MTHFD1L: variants seen among roughly 807,000 people sequenced by gnomAD.
MTHFD1L encodes the protein monofunctional C1-tetrahydrofolate synthase, mitochondrial.
MTHFD1L carries 81 observed loss-of-function variants against 119.5 expected under a neutral mutation model. The ratio of observed to expected loss-of-function variants is 0.68; its 90% CI spans 0.57 to 0.82. The LOEUF (loss-of-function observed/expected upper bound fraction) is 0.82. Ranked by LOEUF, MTHFD1L falls within the 40% of genes least tolerant of loss-of-function variation. MTHFD1L has a pLI of 0.00. For synonymous variants in MTHFD1L, 430 were observed against 475.2 expected, an observed-to-expected ratio of 0.90 and a Z score of 1.24; for missense variants, 1,125 against 1,253.4, an observed-to-expected ratio of 0.90 and a Z score of 1.55.
chr6:151,012,496 A>G (rs1240744519), intron 21 of MTHFD1L, among the ~76,000 whole-genome samples: 6 of 152,008 alleles, frequency 3.9e-5, no homozygotes, highest in Admixed American at 6.6e-5. Context: ...CATAATTTGT[A>G]CAGTGGAAAA....
At position 151,015,118 on chromosome 6, in the gene MTHFD1L, A is replaced by G. The variant is rs1033282991; in HGVS notation, c.2408+138A>G. 8 of 632,984 alleles carry G rather than the reference A, an allele frequency of 1.3e-5. No homozygotes were observed. The African/African-American group carries it at 1.6e-4, about 13-fold the overall frequency. 39.2% of individuals were successfully genotyped at this position (632,984 alleles called of 1,614,324 possible). On this transcript the variant is annotated intron_variant, in intron 23 of 27. Coordinates refer to ENST00000367321, the MANE Select transcript of MTHFD1L (RefSeq NM_015440.5). ...AATACCCAGTTCTTTCTGTTTGTTTATTTGGTTTGGTTTCATTTTAGCAAA... is the reference window on the plus strand; with the variant it reads ...AATACCCAGTTCTTTCTGTTTGTTTGTTTGGTTTGGTTTCATTTTAGCAAA...
At chr6:151,094,119 A>G (rs1013111867) in intron 27 of MTHFD1L, among the ~76,000 whole-genome samples, 7 of 152,052 alleles carry the variant, frequency 4.6e-5, no homozygotes, top group Non-Finnish European at 8.8e-5. Flanking sequence ...GGGATCAAAC[A>G]TGTCCTCACC....
intron 16 of MTHFD1L, among the ~76,000 whole-genome samples, 156 bp downstream of exon 16, chr6:150,949,289 G>C (rs757362359): frequency 4.0e-5 from 6 of 151,724 alleles, no homozygotes; most frequent in African/African-American, 1.2e-4. Context: ...TACTATTATC[G>C]TACCACCCTC....
At chr6:151,019,470 C>T (rs1187974301) in intron 24 of MTHFD1L, among the ~76,000 whole-genome samples, 1 of 151,944 alleles carries the variant, frequency 6.6e-6, no homozygotes. Context: ...AATTCCCATT[C>T]TTCATGCAGA....
chr6:150,944,434 C>T (rs1157942841), intron 13 of MTHFD1L, 52 bp from the exon 14 acceptor site: 26 of 1,377,370 alleles, frequency 1.9e-5, no homozygotes, highest in Middle Eastern at 1.8e-4. Context: ...GGCAACAAAG[C>T]GAGACCCTAT....
intron 16 of MTHFD1L, 142 bp from the exon 17 acceptor site, chr6:150,955,853 A>T (rs780615633): frequency 2.3e-5 from 15 of 665,568 alleles, no homozygotes; most frequent in Non-Finnish European, 3.8e-5. Context: ...CTCTATGTCT[A>T]CCCACTAGAT....
chr6:150,906,935 T>C (rs712209), intron 8 of MTHFD1L, among the ~76,000 whole-genome samples: 78,676 of 151,658 alleles, frequency 0.52, 21,093 homozygotes, highest in East Asian at 0.79. Flanking sequence ...AATGGCTCTT[T>C]TTAACAAACA....
At chr6:150,869,226 G>C (rs1244337688) in intron 1 of MTHFD1L, among the ~76,000 whole-genome samples, 2 of 152,050 alleles carry the variant, frequency 1.3e-5, no homozygotes, top group Non-Finnish European at 1.5e-5. Flanking sequence ...TGTTACATAG[G>C]TATACATGCG....
intron 13 of MTHFD1L, among the ~76,000 whole-genome samples, chr6:150,942,516 G>C (rs1793294672): frequency 6.6e-6 from 1 of 152,058 alleles, no homozygotes; most frequent in South Asian, 2.1e-4. Flanking sequence ...AGGAAAAAAT[G>C]AATGTATGGG....
chr6:150,905,803 G>A (rs1785808859), intron 8 of MTHFD1L, 42 bp downstream of exon 8: 11 of 1,425,204 alleles, frequency 7.7e-6, no homozygotes, highest in East Asian at 2.3e-5. Flanking sequence ...GATTAGGTCA[G>A]ATAGTTCAAA....
chr6:150,995,237 C>T (rs552807562), intron 20 of MTHFD1L, among the ~76,000 whole-genome samples: 18 of 152,028 alleles, frequency 1.2e-4, no homozygotes, highest in Non-Finnish European at 2.2e-4. Context: ...CTTACCAGGC[C>T]GGGCACGGTG....
chr6:150,875,705 C>T (rs1216575050), intron 1 of MTHFD1L, among the ~76,000 whole-genome samples: 1 of 152,030 alleles, frequency 6.6e-6, no homozygotes, highest in Non-Finnish European at 1.5e-5. Flanking sequence ...TTTGCTTTCC[C>T]CATGGACCCA....
At chr6:150,935,491 A>G in intron 11 of MTHFD1L, 19 of 1,594,692 alleles carry the variant, frequency 1.2e-5, no homozygotes, top group Non-Finnish European at 1.5e-5. Context: ...GAGATGGCCT[A>G]AAGGAAGGAC....
Position 150,926,569 on chromosome 6 carries a change from T to G in MTHFD1L, c.1256+274T>G, listed in dbSNP as rs1028980054. 1.2e-4 allele frequency among the ~76,000 whole-genome samples: 19 copies of G among 152,240 alleles called. No individual in the cohort carries two copies. Among genetic ancestry groups the G allele is most frequent in the African/African-American group, 4.6e-4 (19 of 41,466 alleles). On this transcript the variant is annotated intron_variant, in intron 11 of 27. Transcript: ENST00000367321. The surrounding 1 kb of genome is among the most constrained non-coding windows in gnomAD (Gnocchi z 4.3). Reference sequence around the variant, plus strand: ...GTTATTACCCCTGCTCCTCCTTGACTTTTTGAATTTCATTTTTCATTATAA... The same window carrying G: ...GTTATTACCCCTGCTCCTCCTTGACGTTTTGAATTTCATTTTTCATTATAA...
At chr6:150,998,464 T>C (rs1363770205) in intron 20 of MTHFD1L, among the ~76,000 whole-genome samples, 3 of 152,096 alleles carry the variant, frequency 2.0e-5, no homozygotes, top group Non-Finnish European at 4.4e-5. Context: ...AACTGTTCTT[T>C]CCTAGGAAGT....
At chr6:150,960,737 T>C (rs1196174641) in intron 18 of MTHFD1L, among the ~76,000 whole-genome samples, 1 of 152,130 alleles carries the variant, frequency 6.6e-6, no homozygotes, top group East Asian at 1.9e-4. Context: ...TTGGTGACTT[T>C]TAAAAAATGT....
chr6:151,096,164 G>C (rs1794881306), intron 27 of MTHFD1L, among the ~76,000 whole-genome samples: 1 of 152,098 alleles, frequency 6.6e-6, no homozygotes, highest in Non-Finnish European at 1.5e-5. Context: ...AGGATAATGA[G>C]GTAATTTTTT....
chr6:150,947,043 C>G (rs1794075181), intron 15 of MTHFD1L, among the ~76,000 whole-genome samples: 1 of 148,400 alleles, frequency 6.7e-6, no homozygotes, highest in East Asian at 2.0e-4. Flanking sequence ...CCATTGCACT[C>G]CAGCCTGGGC....
chr6:150,938,086 C>T (rs1166834222), intron 12 of MTHFD1L, among the ~76,000 whole-genome samples: 10 of 152,150 alleles, frequency 6.6e-5, no homozygotes, highest in South Asian at 2.1e-4. Flanking sequence ...GGTGCAATCT[C>T]GGCTCACTCC....
Sources: allele counts gnomAD v4.1 joint callset (sites outside exome capture counted in the v4.1 genomes callset), GRCh38; gene constraint gnomAD v4.1.1; non-coding constraint Gnocchi (gnomAD v3.1); transcripts MANE v1.5; gene names NCBI Gene and HGNC (gene_info 2026-07-23, HGNC 2026-07-21).